THSD7B: variants seen among roughly 807,000 people sequenced by gnomAD.
The protein encoded by THSD7B is thrombospondin type 1 domain containing 7B.
A neutral mutation model predicts 213.6 loss-of-function variants in THSD7B; 138 were observed. The ratio of observed to expected loss-of-function variants is 0.65; its 90% confidence interval spans 0.56 to 0.74. The LOEUF is 0.74. THSD7B is among the 30% of genes least tolerant of loss of function. The pLI is 0.00. For missense variants in THSD7B, 1,931 were observed against 1,991.5 expected, an observed-to-expected ratio of 0.97 and a Z score of 0.58; for synonymous variants, 742 against 687.0, an observed-to-expected ratio of 1.08 and a Z score of -1.25.
chr2:136,875,198 G>A (rs1683507294), intron 1 of THSD7B, among the ~76,000 whole-genome samples: 1 of 152,204 alleles, frequency 6.6e-6, no homozygotes, highest in Non-Finnish European at 1.5e-5. Context: ...ATGGCAGGCT[G>A]ATCACCTGAG....
intron 2 of THSD7B, among the ~76,000 whole-genome samples, chr2:136,964,704 A>G (rs888790495): frequency 3.3e-5 from 5 of 152,096 alleles, no homozygotes; most frequent in African/African-American, 9.7e-5. Context: ...CTTCTTCTCT[A>G]TGTAGCAAAC....
intron 1 of THSD7B, among the ~76,000 whole-genome samples, chr2:136,780,449 G>T (rs1443728810): frequency 2.0e-5 from 3 of 152,186 alleles, no homozygotes; most frequent in Non-Finnish European, 4.4e-5. Flanking sequence ...CAAACATTCA[G>T]ATAATAGCTC....
chr2:136,905,893 T>C (rs1365798698), intron 2 of THSD7B, among the ~76,000 whole-genome samples: 1 of 152,198 alleles, frequency 6.6e-6, no homozygotes, highest in Non-Finnish European at 1.5e-5. Flanking sequence ...GAGGGAGGCA[T>C]GCATGTGCCT....
intron 14 of THSD7B, among the ~76,000 whole-genome samples, chr2:137,415,932 T>C (rs1686788496): frequency 6.6e-6 from 1 of 152,128 alleles, no homozygotes; most frequent in East Asian, 1.9e-4. Flanking sequence ...TAGAAATGAG[T>C]GCTTATTGTC....
intron 17 of THSD7B, among the ~76,000 whole-genome samples, chr2:137,591,405 C>A (rs1305102411): frequency 1.3e-5 from 2 of 151,840 alleles, no homozygotes; most frequent in African/African-American, 4.8e-5. Context: ...GTCTACAAAG[C>A]CCATAATGAT....
In THSD7B at chr2:137,266,661, T is replaced by C. The variant is rs1183052502; in HGVS notation, c.2267-5872T>C. Among the ~76,000 whole-genome samples the C allele has an allele frequency of 4.6e-5, 7 of 152,196 alleles. No individual in the cohort carries two copies. The South Asian group carries it at 6.2e-4, about 13-fold the overall frequency. On this transcript the variant is annotated intron_variant, in intron 10 of 27. Coordinates refer to ENST00000409968, the MANE Select transcript of THSD7B (RefSeq NM_001316349.2). ...GGTTAATTTTTAAAATCTGTTAGAA[T>C]TCTGCAGGTTGCTGCTGGAATAACT...
intron 12 of THSD7B, among the ~76,000 whole-genome samples, chr2:137,328,143 G>T (rs528639793): frequency 1.1e-3 from 173 of 152,216 alleles, no homozygotes; most frequent in African/African-American, 3.9e-3. Flanking sequence ...AGATAAATGC[G>T]TATGAGTCTA....
chr2:137,221,473 T>G (rs1049074700), intron 7 of THSD7B, among the ~76,000 whole-genome samples: 4 of 152,192 alleles, frequency 2.6e-5, no homozygotes, highest in Non-Finnish European at 5.9e-5. Flanking sequence ...AGAGTGAATT[T>G]TATTGAATGT....
intron 26 of THSD7B, among the ~76,000 whole-genome samples, chr2:137,665,946 A>G (rs1199568116): frequency 6.6e-6 from 1 of 152,178 alleles, no homozygotes; most frequent in East Asian, 1.9e-4. Context: ...ATGAATTGGT[A>G]TGTGTGTGCT....
chr2:137,004,075 T>C (rs1686055489), intron 2 of THSD7B, among the ~76,000 whole-genome samples: 1 of 152,148 alleles, frequency 6.6e-6, no homozygotes, highest in South Asian at 2.1e-4. Flanking sequence ...TAGGGTCTTA[T>C]TGTGAAAAGA....
At chr2:137,570,679 A>T (rs1681336963) in intron 16 of THSD7B, among the ~76,000 whole-genome samples, 1 of 152,166 alleles carries the variant, frequency 6.6e-6, no homozygotes, top group African/African-American at 2.4e-5. Flanking sequence ...TTGTATCTGA[A>T]TTGCTAGATC....
At chr2:137,308,593 A>G (rs1683812784) in intron 12 of THSD7B, among the ~76,000 whole-genome samples, 1 of 152,116 alleles carries the variant, frequency 6.6e-6, no homozygotes, top group Non-Finnish European at 1.5e-5. Context: ...TTTTTGTTTT[A>G]TGTGTTTATA....
At chr2:137,621,000 A>C (rs1226574059) in intron 20 of THSD7B, among the ~76,000 whole-genome samples, 1 of 152,212 alleles carries the variant, frequency 6.6e-6, no homozygotes, top group African/African-American at 2.4e-5. Context: ...CAACAAATTG[A>C]AAAAACATGT....
chr2:136,929,763 T>C (rs487025), intron 2 of THSD7B, among the ~76,000 whole-genome samples: 61,331 of 151,758 alleles, frequency 0.4, 14,618 homozygotes, highest in Non-Finnish European at 0.55. Flanking sequence ...GCACCAGGTG[T>C]TCCCTGTGGG....
chr2:137,187,519 T>C (rs148629534), intron 7 of THSD7B, among the ~76,000 whole-genome samples: 2 of 152,306 alleles, frequency 1.3e-5, no homozygotes, highest in Non-Finnish European at 2.9e-5. Flanking sequence ...AATAAATGCG[T>C]TAGATCAATG....
At chr2:137,626,643 T>G (rs111649367) in intron 20 of THSD7B, among the ~76,000 whole-genome samples, 156 of 152,324 alleles carry the variant, frequency 1.0e-3, no homozygotes, top group African/African-American at 3.7e-3. Flanking sequence ...CAAATGGCCA[T>G]GCTAAAAATT....
chr2:137,393,481 C>G (rs1186009606), intron 12 of THSD7B, among the ~76,000 whole-genome samples: 6 of 148,900 alleles, frequency 4.0e-5, no homozygotes, highest in African/African-American at 9.9e-5. Context: ...CCCTACAAAG[C>G]ACATGAACTC....
chr2:137,531,852 G>T (rs150124457), intron 15 of THSD7B, among the ~76,000 whole-genome samples: 29 of 152,052 alleles, frequency 1.9e-4, no homozygotes, highest in Non-Finnish European at 3.4e-4. Flanking sequence ...GTGTCTTCCT[G>T]GAGTGACATG....
chr2:136,939,964 C>G (rs534317217), intron 2 of THSD7B, among the ~76,000 whole-genome samples: 1 of 152,258 alleles, frequency 6.6e-6, no homozygotes, highest in East Asian at 1.9e-4. Flanking sequence ...GAGTGCAGCA[C>G]TTTTTAACAT....
Sources: allele counts gnomAD v4.1 joint callset (sites outside exome capture counted in the v4.1 genomes callset), GRCh38; gene constraint gnomAD v4.1.1; transcripts MANE v1.5; gene names NCBI Gene and HGNC (gene_info 2026-07-23, HGNC 2026-07-21).